FRMD5: variants seen among roughly 807,000 people sequenced by gnomAD.
FRMD5 encodes FERM domain containing 5.
Under a neutral mutation model 69.0 loss-of-function variants are expected in FRMD5, and 20 were observed. That is an observed-to-expected ratio of 0.29 (90% CI 0.20 to 0.42). The LOEUF is 0.42. Ranked by LOEUF, FRMD5 falls within the 10% of genes least tolerant of loss-of-function variation. The probability of loss-of-function intolerance (pLI) is 1.00; values close to 1 mark genes in which losing one functional copy is unlikely to be tolerated. For synonymous variants in FRMD5, 271 were observed against 260.1 expected, an observed-to-expected ratio of 1.04 and a Z score of -0.40; for missense variants, 595 against 708.6, an observed-to-expected ratio of 0.84 and a Z score of 1.82.
At chr15:44,182,117 T>C (rs1408848654) in intron 1 of FRMD5, among the ~76,000 whole-genome samples, 2 of 151,362 alleles carry the variant, frequency 1.3e-5, no homozygotes, top group Non-Finnish European at 2.9e-5. Context: ...TTCAAGCAAT[T>C]TTCCTGCCTC....
chr15:43,907,527 C>CTTT (rs758126629), intron 5 of FRMD5, among the ~76,000 whole-genome samples: 4 of 138,802 alleles, frequency 2.9e-5, no homozygotes, highest in Admixed American at 7.2e-5. Context: ...CCAGGCCTAG[C>CTTT]TTTTTTTTTT....
At position 43,885,575 on chromosome 15, in the gene FRMD5, T is replaced by C. The variant is rs1050240567; in HGVS notation, c.959+106A>G. 16 of 935,840 alleles carry C rather than the reference T, an allele frequency of 1.7e-5. No homozygotes were observed. The African/African-American group carries it at 1.9e-4, about 11-fold the overall frequency. The allele number at this position is 935,840 out of a possible 1,614,324, so 58.0% of individuals were successfully genotyped here. On this transcript the variant is annotated intron_variant, in intron 11 of 13. Coordinates refer to ENST00000417257, the MANE Select transcript of FRMD5 (RefSeq NM_032892.5). Reference sequence around the variant, plus strand: ...GAATTAGATGGAGACCTCAGACTTTTCTGAGTCCTCCCTGGTTTCTCTGTT... The same window carrying C: ...GAATTAGATGGAGACCTCAGACTTTCCTGAGTCCTCCCTGGTTTCTCTGTT...
chr15:43,939,543 T>C (rs1243315873), intron 1 of FRMD5, among the ~76,000 whole-genome samples: 1 of 152,024 alleles, frequency 6.6e-6, no homozygotes, highest in Non-Finnish European at 1.5e-5. Flanking sequence ...CTCTTTTTTA[T>C]TAATTAATGT....
intron 1 of FRMD5, among the ~76,000 whole-genome samples, chr15:44,176,121 A>G (rs2077890343): frequency 6.6e-6 from 1 of 152,240 alleles, no homozygotes; most frequent in Non-Finnish European, 1.5e-5. Context: ...CATACTTCCC[A>G]ACTTCAAAAC....
rs889223145 is a variant in FRMD5, at chr15:44,094,529, C to G, written c.102+100424G>C. ...CACTAAACAGTGTGTTGGAATTCCT[C>G]TAGTATTTATCAAGCTCCTACCATG... is the stretch of plus-strand genomic sequence containing the variant. On this transcript the variant is annotated intron_variant, in intron 1 of 13. Transcript: ENST00000417257. 2.0e-5 allele frequency among the ~76,000 whole-genome samples: 3 copies of G among 152,304 alleles called. No homozygotes were observed. In the East Asian group the frequency reaches 5.8e-4, roughly 29 times the overall value.
chr15:44,059,411 C>T (rs548212850), intron 1 of FRMD5, among the ~76,000 whole-genome samples: 1 of 152,298 alleles, frequency 6.6e-6, no homozygotes, highest in South Asian at 2.1e-4. Context: ...GGGCCTTAAA[C>T]ATCTGAGAAT....
chr15:43,926,323 T>G (rs1487433778), intron 1 of FRMD5, among the ~76,000 whole-genome samples: 1 of 152,196 alleles, frequency 6.6e-6, no homozygotes, highest in Non-Finnish European at 1.5e-5. Flanking sequence ...GATGATCATC[T>G]CTGGCGGGTC....
At chr15:44,181,629 C>T (rs181519044) in intron 1 of FRMD5, among the ~76,000 whole-genome samples, 3 of 152,218 alleles carry the variant, frequency 2.0e-5, no homozygotes, top group East Asian at 1.9e-4. Context: ...AAGCTGGGCA[C>T]GGTGGCTCAC....
chr15:43,987,511 T>C (rs11854312), intron 1 of FRMD5, among the ~76,000 whole-genome samples: 125,286 of 152,154 alleles, frequency 0.82, 54,458 homozygotes, highest in Non-Finnish European at 0.95. Context: ...GGTTTCGGGA[T>C]GATTCCAGCA....
At chr15:43,922,404 C>T (rs995138018) in intron 2 of FRMD5, among the ~76,000 whole-genome samples, 12 of 152,192 alleles carry the variant, frequency 7.9e-5, no homozygotes, top group African/African-American at 2.9e-4. Context: ...CAGTATACAT[C>T]AGCTGGAAGA....
intron 1 of FRMD5, among the ~76,000 whole-genome samples, chr15:44,003,503 A>C (rs1890304360): frequency 6.6e-6 from 1 of 152,140 alleles, no homozygotes; most frequent in Non-Finnish European, 1.5e-5. Flanking sequence ...ATGTCCCTAT[A>C]ACTTTCTGGC....
intron 1 of FRMD5, among the ~76,000 whole-genome samples, chr15:43,981,444 G>A (rs1231788395): frequency 1.3e-5 from 2 of 152,178 alleles, no homozygotes; most frequent in African/African-American, 2.4e-5. Flanking sequence ...GAGGAAAAGG[G>A]GTTGGTCTTA....
chr15:43,967,389 C>T (rs1371142053), intron 1 of FRMD5, among the ~76,000 whole-genome samples: 12 of 152,058 alleles, frequency 7.9e-5, no homozygotes, highest in African/African-American at 2.7e-4. Flanking sequence ...TGTGCCACCA[C>T]GCCTGGCTAA....
intron 11 of FRMD5, 146 bp downstream of exon 11, chr15:43,885,527 AGTAAAAGG>A: frequency 1.5e-6 from 1 of 655,186 alleles, no homozygotes; most frequent in Admixed American, 2.5e-5. Context: ...GGAAGGAAAT[AGTAAAAGG>A]GTCATAAGAT....
chr15:43,997,589 G>C (rs1474654546), intron 1 of FRMD5, among the ~76,000 whole-genome samples: 1 of 152,132 alleles, frequency 6.6e-6, no homozygotes, highest in East Asian at 1.9e-4. Flanking sequence ...CCTTGCCCCT[G>C]AGCTTTCTTG....
chr15:43,999,046 T>C (rs4924729), intron 1 of FRMD5, among the ~76,000 whole-genome samples: 137,284 of 152,258 alleles, frequency 0.9, 62,454 homozygotes, highest in East Asian at 1. Context: ...AACACTGTTT[T>C]TTCTCTCTTC....
intron 1 of FRMD5, among the ~76,000 whole-genome samples, chr15:43,971,016 G>C (rs752355805): frequency 3.3e-5 from 5 of 152,046 alleles, no homozygotes; most frequent in Admixed American, 6.6e-5. Context: ...TTGGGAGGGC[G>C]AGGAAGGCGA....
intron 1 of FRMD5, among the ~76,000 whole-genome samples, chr15:44,173,496 C>A (rs1406521571): frequency 1.3e-5 from 2 of 151,798 alleles, no homozygotes; most frequent in East Asian, 3.9e-4. Context: ...TAAATTATAG[C>A]CAAATATAAG....
intron 1 of FRMD5, among the ~76,000 whole-genome samples, chr15:44,158,366 T>G (rs1010931062): frequency 2.0e-5 from 3 of 152,188 alleles, no homozygotes; most frequent in Admixed American, 1.3e-4. Context: ...CCTTGACTCA[T>G]TCCAATGTCT....
Sources: gnomAD v4.1 joint callset for allele counts (sites outside exome capture counted in the v4.1 genomes callset) on GRCh38, gnomAD v4.1.1 for gene constraint, MANE v1.5 for transcripts, NCBI Gene and HGNC (gene_info 2026-07-23, HGNC 2026-07-21) for gene names.